ZNF250: variants seen among roughly 807,000 people sequenced by gnomAD.
The protein encoded by ZNF250 is zinc finger protein (clone 647).
Under a neutral mutation model 37.1 loss-of-function variants are expected in ZNF250, and 13 were observed. The observed-to-expected ratio is 0.35, with a 90% CI of 0.23 to 0.56. ZNF250 has a LOEUF of 0.56. Among genes scored for constraint, ZNF250 ranks in the 20% least tolerant of loss-of-function variants. ZNF250 has a pLI of 0.87. For missense variants in ZNF250, 474 were observed against 697.9 expected (o/e 0.68, Z 3.61); for synonymous variants, 251 against 265.6 (o/e 0.94, Z 0.54).
rs756911222 is a variant in ZNF250, at chr8:144,881,731, G to A, written c.1452C>T (p.Ser484=). ...FQCTECGKAF[S]LKATLIVHLR... ...GGTGCACAATCAGAGTTGCTTTCAG[G>A]CTGAAGGCTTTGCCACATTCTGTGC... Residue 484 remains serine, a synonymous_variant, in exon 6 of 6, where the codon AGC becomes AGT. Coordinates refer to ENST00000417550, the MANE Select transcript of ZNF250 (RefSeq NM_001109689.4). The A allele has an allele frequency of 1.4e-5, 22 of 1,613,928 alleles. No homozygotes were observed. Among genetic ancestry groups the A allele is most frequent in the Non-Finnish European group, 1.9e-5 (22 of 1,179,970 alleles).
At position 144,887,252 on chromosome 8, in the gene ZNF250, C is replaced by CAAAAAAAA. The variant is rs56677445; in HGVS notation, c.284-358_284-351dup. Among the ~76,000 whole-genome samples, 56 of 63,078 alleles carry CAAAAAAAA rather than the reference C, an allele frequency of 8.9e-4. 3 individuals carry two copies. Among genetic ancestry groups the CAAAAAAAA allele is most frequent in the African/African-American group, 3.7e-3 (49 of 13,218 alleles). 41.4% of individuals were successfully genotyped at this position (63,078 alleles called of 152,430 possible). On this transcript the variant is annotated intron_variant, in intron 4 of 5. Transcript: ENST00000417550. ...GGGGACAGAGTGAAACTCCGTCTCT[C>CAAAAAAAA]AAAAAAAAAAAAAAAAAAAAAAAAA... is the stretch of plus-strand genomic sequence containing the variant.
In ZNF250 at chr8:144,881,475, T is replaced by G. The variant is rs1409117245; in HGVS notation, c.*40A>C. 8.4e-6 allele frequency: 13 copies of G among 1,539,546 alleles called. No individual in the cohort carries two copies. The highest frequency in any genetic ancestry group is 1.1e-5 in the Non-Finnish European group (12 of 1,141,298). On this transcript the variant is annotated 3_prime_UTR_variant, in exon 6 of 6. Transcript: ENST00000417550. ...GCTGAAGGCTGCTTGTGGTTCCACA[T>G]GCAGTTTCTGTGAGAATGGATTCTT... is the stretch of plus-strand genomic sequence containing the variant.
intron 5 of ZNF250, among the ~76,000 whole-genome samples, chr8:144,885,780 T>C (rs1247370600): frequency 6.6e-6 from 1 of 152,220 alleles, no homozygotes; most frequent in Non-Finnish European, 1.5e-5. Context: ...AAGAAATAGT[T>C]ACTCATTTAC....
In ZNF250 at chr8:144,882,739, C is replaced by T. The variant is rs1052532877; in HGVS notation, c.444G>A (p.Arg148=). The T allele has an allele frequency of 6.2e-7, 1 of 1,614,020 alleles. No homozygotes were observed. The highest frequency in any genetic ancestry group is 8.5e-7 in the Non-Finnish European group (1 of 1,179,892). ...TTGTTTCATTATTTTCTTGATCAAT[C>T]CTCCCCAAGGGTGTTTTCCCCAGAA... ...TVILGKTPLG[R]IDQENNETKQ... Residue 148 remains arginine, a synonymous_variant, in exon 6 of 6, where the codon AGG becomes AGA. Transcript: ENST00000417550. The surrounding 1 kb of genome is among the most constrained non-coding windows in gnomAD (Gnocchi z 5.5).
chr8:144,895,382 G>C lies in ZNF250; in HGVS notation c.-54-4979C>G, dbSNP rs537500039. On this transcript the variant is annotated intron_variant, in intron 1 of 5. Coordinates refer to ENST00000417550, the MANE Select transcript of ZNF250 (RefSeq NM_001109689.4). ...TGTGTGTCACAAGGACCTGGGACTGGTTCACCTGCCTCACTTGGGCCAGCT... is the reference window on the plus strand; with the variant it reads ...TGTGTGTCACAAGGACCTGGGACTGCTTCACCTGCCTCACTTGGGCCAGCT... 2.6e-5 allele frequency: 4 copies of C among 152,268 alleles called. No individual in the cohort carries two copies. In the South Asian group the frequency reaches 8.3e-4, roughly 32 times the overall value. The allele number at this position is 152,268 out of a possible 1,614,324, so 9.4% of individuals were successfully genotyped here.
At chr8:144,896,398 AT>A (rs1410149643) in intron 1 of ZNF250, among the ~76,000 whole-genome samples, 1 of 152,098 alleles carries the variant, frequency 6.6e-6, no homozygotes, top group Non-Finnish European at 1.5e-5. Context: ...AACAAAATAC[AT>A]TTTAAAAGTG....
intron 1 of ZNF250, among the ~76,000 whole-genome samples, chr8:144,893,720 T>A (rs935722001): frequency 3.3e-5 from 5 of 152,160 alleles, no homozygotes; most frequent in African/African-American, 1.2e-4. Context: ...TACGGACCAA[T>A]CACACCTGGG....
rs774749121 is a variant in ZNF250, at chr8:144,882,870, A to G, written c.347-34T>C. On this transcript the variant is annotated intron_variant, in intron 5 of 5. Coordinates refer to ENST00000417550, the MANE Select transcript of ZNF250 (RefSeq NM_001109689.4). The surrounding 1 kb of genome is among the most constrained non-coding windows in gnomAD (Gnocchi z 5.5). ...ACAAATCCAAAATGAAAATGTTAACACTACTCAAAACTGAAGAGCTAGTGC... is the reference window on the plus strand; with the variant it reads ...ACAAATCCAAAATGAAAATGTTAACGCTACTCAAAACTGAAGAGCTAGTGC... The G allele has an allele frequency of 5.7e-6, 9 of 1,567,910 alleles. No homozygotes were observed. The highest frequency in any genetic ancestry group is 2.4e-5 in the South Asian group (2 of 82,312).
At chr8:144,887,473 A>G (rs1234283143) in intron 4 of ZNF250, among the ~76,000 whole-genome samples, 3 of 151,944 alleles carry the variant, frequency 2.0e-5, no homozygotes, top group Admixed American at 1.3e-4. Context: ...TTCTGTTTCT[A>G]TGCACATCAG....
At position 144,882,140 on chromosome 8, in the gene ZNF250, GTCC is replaced by G; in HGVS notation, c.1040_1042del (p.Arg347del). 1 of 1,612,336 alleles carries G rather than the reference GTCC, an allele frequency of 6.2e-7. No homozygotes were observed. Among genetic ancestry groups the G allele is most frequent in the Non-Finnish European group, 8.5e-7 (1 of 1,179,504 alleles). On this transcript the variant is annotated inframe_deletion, in exon 6 of 6. Coordinates refer to ENST00000417550, the MANE Select transcript of ZNF250 (RefSeq NM_001109689.4). The surrounding 1 kb of genome is among the most constrained non-coding windows in gnomAD (Gnocchi z 5.5). ...GTGGATCCTCTGGTGCTGCAGCAGT[GTCC>G]TCTTCACACTGAAGGTTTTCCCACA...
chr8:144,901,070 G>A lies in ZNF250; in HGVS notation c.-55+329C>T, dbSNP rs1833069922. 6.6e-6 allele frequency among the ~76,000 whole-genome samples: 1 copy of A among 151,932 alleles called. No individual in the cohort carries two copies. The highest frequency in any genetic ancestry group is 6.5e-5 in the Admixed American group (1 of 15,268). ...GGCCGGAGATCTGAGGAGATCCAAGGTGGGAGGGACGCCGGTCTGACGGGG... is the reference window on the plus strand; with the variant it reads ...GGCCGGAGATCTGAGGAGATCCAAGATGGGAGGGACGCCGGTCTGACGGGG... On this transcript the variant is annotated intron_variant, in intron 1 of 5. Transcript: ENST00000417550. This position sits in a 1 kb window ranked among gnomAD's most constrained non-coding sequence, Gnocchi z 5.4.
chr8:144,887,812 TG>T (rs1260730292), intron 4 of ZNF250, among the ~76,000 whole-genome samples: 1 of 152,240 alleles, frequency 6.6e-6, no homozygotes, highest in Non-Finnish European at 1.5e-5. Context: ...GTATAGTCAC[TG>T]GAAAATTAAA....
rs567543620 is a variant in ZNF250, at chr8:144,880,627, G to A, written c.*888C>T. The stretch of plus-strand genomic sequence containing the variant: ...GCCTGTAATCCCAACACTTTCGGAA[G>A]CAAAGGTGGGAGGATCACTTGAGGC... On this transcript the variant is annotated 3_prime_UTR_variant, in exon 6 of 6. Transcript: ENST00000417550. 2.3e-4 allele frequency: 90 copies of A among 386,446 alleles called. No individual in the cohort carries two copies. The highest frequency in any genetic ancestry group is 1.7e-3 in the African/African-American group (84 of 48,006). The allele number at this position is 386,446 out of a possible 1,614,324, so 23.9% of individuals were successfully genotyped here.
At chr8:144,895,532 GTTA>G (rs758709421) in intron 1 of ZNF250, among the ~76,000 whole-genome samples, 7 of 152,266 alleles carry the variant, frequency 4.6e-5, no homozygotes, top group African/African-American at 1.2e-4. Flanking sequence ...TGGATAAGGT[GTTA>G]TTATCTATTT....
At position 144,882,843 on chromosome 8, in the gene ZNF250, G is replaced by C; in HGVS notation, c.347-7C>G. 1 of 1,595,666 alleles carries C rather than the reference G, an allele frequency of 6.3e-7. No individual in the cohort carries two copies. The highest frequency in any genetic ancestry group is 1.1e-5 in the South Asian group (1 of 88,838). Reference sequence around the variant, plus strand: ...TCTCCCTTGGTTTCACATTCTGAAAGAACAAATCCAAAATGAAAATGTTAA... The same window carrying C: ...TCTCCCTTGGTTTCACATTCTGAAACAACAAATCCAAAATGAAAATGTTAA... On this transcript the variant is annotated splice_region_variant and splice_polypyrimidine_tract_variant and intron_variant, in intron 5 of 5. Transcript: ENST00000417550. The surrounding 1 kb of genome is among the most constrained non-coding windows in gnomAD (Gnocchi z 5.5).
intron 5 of ZNF250, among the ~76,000 whole-genome samples, chr8:144,883,261 G>A (rs562373479): frequency 1.4e-4 from 21 of 152,190 alleles, no homozygotes; most frequent in Non-Finnish European, 2.4e-4. Context: ...TGAGCAAGTC[G>A]GGGTGTGCCA....
In ZNF250 at chr8:144,881,155, G is replaced by A. The variant is rs1342597347; in HGVS notation, c.*360C>T. The A allele has an allele frequency of 5.3e-6, 1 of 188,986 alleles. No homozygotes were observed. The highest frequency in any genetic ancestry group is 2.4e-5 in the African/African-American group (1 of 42,314). The allele number at this position is 188,986 out of a possible 1,614,324, so 11.7% of individuals were successfully genotyped here. On this transcript the variant is annotated 3_prime_UTR_variant, in exon 6 of 6. Transcript: ENST00000417550. ...TTAGGAAGGGCATGTAATGTTCTTA[G>A]AAAAAGAACTTTATTTGGAATGTAA...
intron 4 of ZNF250, among the ~76,000 whole-genome samples, chr8:144,887,574 C>G (rs1362509324): frequency 1.3e-5 from 2 of 152,070 alleles, no homozygotes; most frequent in African/African-American, 4.8e-5. Context: ...CATCTCCAAC[C>G]AGCCATGCTC....
chr8:144,893,973 GAA>G (rs1388295274), intron 1 of ZNF250, among the ~76,000 whole-genome samples: 1 of 152,146 alleles, frequency 6.6e-6, no homozygotes, highest in Admixed American at 6.5e-5. Flanking sequence ...CTGTGAGTCT[GAA>G]AAGTCAGTTG....
Sources: gnomAD v4.1 joint callset for allele counts (sites outside exome capture counted in the v4.1 genomes callset) on GRCh38, gnomAD v4.1.1 for gene constraint, Gnocchi (gnomAD v3.1) non-coding constraint, MANE v1.5 for transcripts, NCBI Gene and HGNC (gene_info 2026-07-23, HGNC 2026-07-21) for gene names.